ZBTB16: variants seen among roughly 807,000 people sequenced by gnomAD.
ZBTB16 encodes zinc finger and BTB domain-containing protein 16.
Under a neutral mutation model 56.8 loss-of-function variants are expected in ZBTB16, and 8 were observed. That is an observed-to-expected ratio of 0.14 (90% CI 0.08 to 0.25). ZBTB16 has a LOEUF of 0.25. Ranked by LOEUF, ZBTB16 falls within the 10% of genes least tolerant of loss-of-function variation. ZBTB16 has a pLI of 1.00. For synonymous variants in ZBTB16, 363 were observed against 368.5 expected, an observed-to-expected ratio of 0.98 and a Z score of 0.17; for missense variants, 625 against 903.0, an observed-to-expected ratio of 0.69 and a Z score of 3.95.
intron 2 of ZBTB16, among the ~76,000 whole-genome samples, chr11:114,070,045 C>CCTAGA (rs1374832089): frequency 6.6e-6 from 1 of 151,182 alleles, no homozygotes; most frequent in East Asian, 1.9e-4. Flanking sequence ...AGAGTGCTGC[C>CCTAGA]CTAGACTCTG....
intron 2 of ZBTB16, among the ~76,000 whole-genome samples, chr11:114,147,923 A>G (rs1942152078): frequency 6.6e-6 from 1 of 152,238 alleles, no homozygotes. Context: ...GTGTGCGATA[A>G]GATCATCCTA....
intron 2 of ZBTB16, among the ~76,000 whole-genome samples, chr11:114,084,108 A>G (rs1382579570): frequency 6.6e-6 from 1 of 152,120 alleles, no homozygotes; most frequent in Non-Finnish European, 1.5e-5. Flanking sequence ...TATTGTTTCC[A>G]TTGCATGCTC....
chr11:114,072,802 C>T lies in ZBTB16; in HGVS notation c.1268+8234C>T, dbSNP rs1725015612. 2.0e-5 allele frequency among the ~76,000 whole-genome samples: 3 copies of T among 152,108 alleles called. No individual in the cohort carries two copies. The South Asian group carries it at 6.2e-4, about 32-fold the overall frequency. On this transcript the variant is annotated intron_variant, in intron 2 of 6. Transcript: ENST00000335953. ...GCGCAGTGGCTCATGCCTGTAATCC[C>T]AGCACTTTGGGAGGCCGAGGCGGGC...
At chr11:114,244,606 CGT>C (rs910744969) in intron 5 of ZBTB16, among the ~76,000 whole-genome samples, 4 of 151,964 alleles carry the variant, frequency 2.6e-5, no homozygotes, top group African/African-American at 9.7e-5. Flanking sequence ...GATGGGGATA[CGT>C]GTGTGTTGGT....
chr11:114,101,229 TC>T (rs1210566565), intron 2 of ZBTB16, among the ~76,000 whole-genome samples: 1 of 152,186 alleles, frequency 6.6e-6, no homozygotes, highest in Non-Finnish European at 1.5e-5. Flanking sequence ...GATCTTGAAC[TC>T]CTGGGCTCAA....
In ZBTB16 at chr11:114,253,482, G is replaced by A. The variant is rs1440010738; in HGVS notation, c.*2927G>A. Among the ~76,000 whole-genome samples, 1 of 152,218 alleles carries A rather than the reference G, an allele frequency of 6.6e-6. No homozygotes were observed. The highest frequency in any genetic ancestry group is 1.5e-5 in the Non-Finnish European group (1 of 68,046). ...ATGTGCGTGTGCGCGTGTGCTTTGTGTGTGTGGTTGTGTGTTAAATCATGC... is the reference window on the plus strand; with the variant it reads ...ATGTGCGTGTGCGCGTGTGCTTTGTATGTGTGGTTGTGTGTTAAATCATGC... On this transcript the variant is annotated 3_prime_UTR_variant, in exon 7 of 7. Transcript: ENST00000335953.
At chr11:114,249,499 C>A (rs1296580071) in intron 6 of ZBTB16, among the ~76,000 whole-genome samples, 1 of 137,422 alleles carries the variant, frequency 7.3e-6, no homozygotes, top group African/African-American at 2.8e-5. Context: ...GGCGCGGTGG[C>A]TCACGCCTGT....
intron 4 of ZBTB16, chr11:114,210,103 CTG>C (rs1162045914): frequency 1.5e-5 from 4 of 273,052 alleles, no homozygotes; most frequent in African/African-American, 2.3e-5. Flanking sequence ...ACTCTGCACT[CTG>C]TGAAACATTG....
rs1041141626 is a variant in ZBTB16, at chr11:114,246,441, T to G, written c.1625-757T>G. ...AGACTAATATCTTTCTTTAAGTTTG[T>G]TGCCATGATCATCTGATGCGATCAC... On this transcript the variant is annotated intron_variant, in intron 5 of 6. Transcript: ENST00000335953. 2.0e-5 allele frequency among the ~76,000 whole-genome samples: 3 copies of G among 151,540 alleles called. No individual in the cohort carries two copies. The South Asian group carries it at 6.2e-4, about 31-fold the overall frequency.
intron 2 of ZBTB16, among the ~76,000 whole-genome samples, chr11:114,073,334 A>C (rs1485446433): frequency 1.3e-5 from 2 of 152,212 alleles, no homozygotes; most frequent in East Asian, 3.8e-4. Context: ...TGAAAAACAG[A>C]AAAAGAGAGA....
At chr11:114,187,308 G>A (rs902285727) in intron 4 of ZBTB16, 20 of 548,188 alleles carry the variant, frequency 3.6e-5, no homozygotes, top group African/African-American at 3.1e-4. Context: ...GAGAGCTCAT[G>A]TTCTTGGAGG....
intron 4 of ZBTB16, among the ~76,000 whole-genome samples, chr11:114,215,220 A>G (rs1349285233): frequency 6.6e-6 from 1 of 152,184 alleles, no homozygotes; most frequent in Non-Finnish European, 1.5e-5. Flanking sequence ...CACAAAGGAC[A>G]CATAACTCAG....
At chr11:114,149,656 C>A (rs1942235790) in intron 2 of ZBTB16, among the ~76,000 whole-genome samples, 1 of 152,170 alleles carries the variant, frequency 6.6e-6, no homozygotes, top group African/African-American at 2.4e-5. Flanking sequence ...AGTCAGGGAG[C>A]AACGAACTCT....
intron 2 of ZBTB16, among the ~76,000 whole-genome samples, chr11:114,115,961 C>T (rs1415132445): frequency 6.6e-6 from 1 of 152,190 alleles, no homozygotes; most frequent in Non-Finnish European, 1.5e-5. Flanking sequence ...TATACCCCCT[C>T]CCCACCCTGT....
chr11:114,218,929 C>G (rs961319422), intron 4 of ZBTB16, among the ~76,000 whole-genome samples: 3 of 152,164 alleles, frequency 2.0e-5, no homozygotes, highest in Non-Finnish European at 4.4e-5. Context: ...TAAACCTCAC[C>G]CAGCTAATCG....
At chr11:114,082,451 T>G (rs1458765136) in intron 2 of ZBTB16, among the ~76,000 whole-genome samples, 1 of 152,198 alleles carries the variant, frequency 6.6e-6, no homozygotes, top group Non-Finnish European at 1.5e-5. Flanking sequence ...AACTGCTGTT[T>G]GTTTTAACTG....
chr11:114,210,616 G>A (rs1943980272), intron 4 of ZBTB16: 1 of 227,326 alleles, frequency 4.4e-6, no homozygotes, highest in Non-Finnish European at 8.7e-6. Context: ...TTTACCAAGA[G>A]CGTCTGTCTT....
intron 4 of ZBTB16, among the ~76,000 whole-genome samples, chr11:114,219,772 G>A (rs1346628403): frequency 6.6e-6 from 1 of 152,190 alleles, no homozygotes; most frequent in Non-Finnish European, 1.5e-5. Flanking sequence ...GTGCAGAGTG[G>A]TGTGGGGTGA....
intron 4 of ZBTB16, among the ~76,000 whole-genome samples, chr11:114,207,893 C>T (rs184900563): frequency 4.1e-4 from 62 of 152,260 alleles, no homozygotes; most frequent in African/African-American, 1.3e-3. Context: ...GGATTACAGG[C>T]GTGTGCCACC....
Sources: allele counts gnomAD v4.1 joint callset (sites outside exome capture counted in the v4.1 genomes callset), GRCh38; gene constraint gnomAD v4.1.1; transcripts MANE v1.5; gene names NCBI Gene and HGNC (gene_info 2026-07-23, HGNC 2026-07-21).